SLC22A23: variants seen among roughly 807,000 people sequenced by gnomAD.
SLC22A23 encodes the protein ion transporter protein.
A neutral mutation model predicts 61.0 loss-of-function variants in SLC22A23; 26 were observed. The observed-to-expected ratio is 0.43, with a 90% CI of 0.31 to 0.59. SLC22A23 has a LOEUF of 0.59. Among genes scored for constraint, SLC22A23 ranks in the 20% least tolerant of loss-of-function variants. SLC22A23 has a pLI of 0.11. For missense variants in SLC22A23, 796 were observed against 934.7 expected (o/e 0.85, Z 1.94); for synonymous variants, 430 against 413.9 (o/e 1.04, Z -0.47).
intron 3 of SLC22A23, among the ~76,000 whole-genome samples, chr6:3,379,342 C>T (rs1208933004): frequency 1.3e-5 from 2 of 152,164 alleles, no homozygotes; most frequent in African/African-American, 4.8e-5. Context: ...TTTTTAATGA[C>T]TATCTATGAA....
At chr6:3,400,642 T>C (rs917691918) in intron 3 of SLC22A23, among the ~76,000 whole-genome samples, 35 of 152,316 alleles carry the variant, frequency 2.3e-4, no homozygotes, top group African/African-American at 7.7e-4. Flanking sequence ...AGGTCACAAC[T>C]GGCAAGTGGG....
In SLC22A23 at chr6:3,274,781, A is replaced by T. The variant is rs546048544; in HGVS notation, c.1704-1369T>A. 3.3e-5 allele frequency among the ~76,000 whole-genome samples: 5 copies of T among 152,382 alleles called. No individual in the cohort carries two copies. In the East Asian group the frequency reaches 9.6e-4, roughly 29 times the overall value. On this transcript the variant is annotated intron_variant, in intron 9 of 9. Transcript: ENST00000406686. Reference sequence around the variant, plus strand: ...ATAAAATGTTTAGAAATAAATAACAAAGGAATGCAAGACTTGTATGCTGAA... The same window carrying T: ...ATAAAATGTTTAGAAATAAATAACATAGGAATGCAAGACTTGTATGCTGAA...
chr6:3,341,923 C>G (rs377476697), intron 3 of SLC22A23, among the ~76,000 whole-genome samples: 128 of 152,242 alleles, frequency 8.4e-4, no homozygotes, highest in African/African-American at 2.4e-3. Flanking sequence ...TCTTCTTGTA[C>G]TTCTTTCATT....
At chr6:3,412,494 T>C (rs1388047673) in intron 2 of SLC22A23, among the ~76,000 whole-genome samples, 4 of 152,210 alleles carry the variant, frequency 2.6e-5, no homozygotes, top group African/African-American at 9.7e-5. Context: ...GTTACAAGCA[T>C]GGATGGTTCT....
At chr6:3,364,667 G>A (rs1372807956) in intron 3 of SLC22A23, among the ~76,000 whole-genome samples, 1 of 152,186 alleles carries the variant, frequency 6.6e-6, no homozygotes. Flanking sequence ...ACAGCTGGAG[G>A]GAGCAGTTCG....
At chr6:3,331,897 G>A (rs916612555) in intron 3 of SLC22A23, among the ~76,000 whole-genome samples, 6 of 152,204 alleles carry the variant, frequency 3.9e-5, no homozygotes, top group African/African-American at 7.2e-5. Context: ...GAGCAGAGAC[G>A]GGACAGGGTG....
chr6:3,419,444 G>A (rs1331195147), intron 1 of SLC22A23, among the ~76,000 whole-genome samples: 1 of 152,198 alleles, frequency 6.6e-6, no homozygotes, highest in Non-Finnish European at 1.5e-5. Context: ...TTTTGGTCCT[G>A]CCAATCAGGT....
At chr6:3,400,404 C>A (rs1045866984) in intron 3 of SLC22A23, among the ~76,000 whole-genome samples, 1 of 152,210 alleles carries the variant, frequency 6.6e-6, no homozygotes, top group Non-Finnish European at 1.5e-5. Context: ...GAGGAAAGGG[C>A]CGATTATTTC....
At position 3,410,151 on chromosome 6, in the gene SLC22A23, A is replaced by T; in HGVS notation, c.913+37T>A. ...CTCCCAGGCAACAATACTTTTGCTAAATTCTTTCAAGACTAGTCGTGAAGG... is the reference window on the plus strand; with the variant it reads ...CTCCCAGGCAACAATACTTTTGCTATATTCTTTCAAGACTAGTCGTGAAGG... On this transcript the variant is annotated intron_variant, in intron 3 of 9. Coordinates refer to ENST00000406686, the MANE Select transcript of SLC22A23 (RefSeq NM_015482.2). This position sits in a 1 kb window ranked among gnomAD's most constrained non-coding sequence, Gnocchi z 5.0. 6.3e-7 allele frequency: 1 copy of T among 1,576,992 alleles called. No individual in the cohort carries two copies. Among genetic ancestry groups the T allele is most frequent in the South Asian group, 1.2e-5 (1 of 84,900 alleles).
chr6:3,349,396 C>T lies in SLC22A23; in HGVS notation c.914-25394G>A, dbSNP rs559297268. Among the ~76,000 whole-genome samples the T allele has an allele frequency of 1.4e-4, 21 of 152,308 alleles. No individual in the cohort carries two copies. In the South Asian group the frequency reaches 2.3e-3, roughly 17 times the overall value. ...CGAGGACTCTTCGGCCAAATTGACT[C>T]CTACCACCAAATCCCAATGCCAACC... On this transcript the variant is annotated intron_variant, in intron 3 of 9. Coordinates refer to ENST00000406686, the MANE Select transcript of SLC22A23 (RefSeq NM_015482.2).
chr6:3,325,137 G>A (rs1763201043), intron 3 of SLC22A23, among the ~76,000 whole-genome samples: 2 of 152,182 alleles, frequency 1.3e-5, no homozygotes, highest in Admixed American at 1.3e-4. Context: ...AGAAGAAGAG[G>A]AAGAAGACAG....
intron 3 of SLC22A23, among the ~76,000 whole-genome samples, chr6:3,339,824 C>T (rs764265466): frequency 2.0e-5 from 3 of 152,196 alleles, no homozygotes; most frequent in Non-Finnish European, 4.4e-5. Context: ...GCAGCTTTTG[C>T]GGCTGCTCTG....
intron 3 of SLC22A23, among the ~76,000 whole-genome samples, chr6:3,398,904 C>CT (rs1326037209): frequency 6.6e-6 from 1 of 152,040 alleles, no homozygotes; most frequent in Non-Finnish European, 1.5e-5. Context: ...TGGTGCATGC[C>CT]TGTGGTCTCT....
Position 3,456,262 on chromosome 6 carries a change from C to T in SLC22A23, c.298G>A (p.Val100Met). The T allele has an allele frequency of 6.4e-7, 1 of 1,551,344 alleles. No individual in the cohort carries two copies. Among genetic ancestry groups the T allele is most frequent in the African/African-American group, 1.4e-5 (1 of 73,128 alleles). ...AGCGCCGGGATCCAGGTGAGCAGCA[C>T]GAGGGTCTTCTGATAGCCCCCGCCC... The part of the protein sequence containing the change: ...GLGGGYQKTL[V>M]LLTWIPALFI... The change falls in exon 1 of 10, where the codon GTG becomes ATG. Residue 100 changes from valine (V) to methionine (M), a missense_variant. By Grantham distance (21) the Val-to-Met change is conservative. Coordinates refer to ENST00000406686, the MANE Select transcript of SLC22A23 (RefSeq NM_015482.2). The surrounding 1 kb of genome is among the most constrained non-coding windows in gnomAD (Gnocchi z 7.1).
At chr6:3,371,572 A>G (rs1361505763) in intron 3 of SLC22A23, among the ~76,000 whole-genome samples, 1 of 152,148 alleles carries the variant, frequency 6.6e-6, no homozygotes, top group African/African-American at 2.4e-5. Context: ...TACCAGCTCT[A>G]TGGGTGGAGG....
At chr6:3,415,632 C>G in intron 2 of SLC22A23, 120 bp downstream of exon 2, 1 of 688,640 alleles carries the variant, frequency 1.5e-6, no homozygotes, top group Admixed American at 2.5e-5. Flanking sequence ...CAGCTTTGGC[C>G]TTCTGCTCTG....
At chr6:3,442,592 C>A (rs546507198) in intron 1 of SLC22A23, among the ~76,000 whole-genome samples, 25 of 152,112 alleles carry the variant, frequency 1.6e-4, no homozygotes, top group Non-Finnish European at 3.7e-4. Flanking sequence ...ATGCAAAAGG[C>A]AGCTTTTCAT....
In SLC22A23 at chr6:3,439,245, G is replaced by A. The variant is rs560787505; in HGVS notation, c.654+16661C>T. On this transcript the variant is annotated intron_variant, in intron 1 of 9. Coordinates refer to ENST00000406686, the MANE Select transcript of SLC22A23 (RefSeq NM_015482.2). ...ATGCCCCCAAAGGTGTGACAACAAC[G>A]ACAAAAATGTCTCCAGACATTGCCG... is the stretch of plus-strand genomic sequence containing the variant. 1,143 of 410,744 alleles carry A rather than the reference G, an allele frequency of 2.8e-3. 8 individuals carry two copies. The highest frequency in any genetic ancestry group is 4.6e-3 in the Non-Finnish European group (954 of 208,430). 25.4% of individuals were successfully genotyped at this position (410,744 alleles called of 1,614,324 possible).
rs572157651 is a variant in SLC22A23 at position 3,392,990 on chromosome 6, C to T, written c.913+17198G>A. Among the ~76,000 whole-genome samples, 20 of 147,426 alleles carry T rather than the reference C, an allele frequency of 1.4e-4. No individual in the cohort carries two copies. The South Asian group carries it at 4.2e-3, about 31-fold the overall frequency. On this transcript the variant is annotated intron_variant, in intron 3 of 9. Coordinates refer to ENST00000406686, the MANE Select transcript of SLC22A23 (RefSeq NM_015482.2). The stretch of plus-strand genomic sequence containing the variant: ...TGTAGATGGAGAAATGTCAGGAGCC[C>T]CAGATCCAACCTTTGGAGGGAGGGC...
Sources: gnomAD v4.1 joint callset for allele counts (sites outside exome capture counted in the v4.1 genomes callset) on GRCh38, gnomAD v4.1.1 for gene constraint, Gnocchi (gnomAD v3.1) non-coding constraint, MANE v1.5 for transcripts, NCBI Gene and HGNC (gene_info 2026-07-23, HGNC 2026-07-21) for gene names.